Variants in MALRD1 observed in about 807,000 individuals in gnomAD.
MALRD1 encodes the protein MAM and LDL receptor class A domain containing 1.
A neutral mutation model predicts 242.1 loss-of-function variants in MALRD1; 247 were observed. That is an observed-to-expected ratio of 1.02 (90% CI 0.92 to 1.13). MALRD1 has a LOEUF of 1.13. Ranked by LOEUF, MALRD1 falls within the 50% of genes most tolerant of loss-of-function variation. MALRD1 has a pLI of 0.00. For missense variants in MALRD1, 2,989 were observed against 2,533.1 expected, an observed-to-expected ratio of 1.18 and a Z score of -3.86; for synonymous variants, 995 against 866.6, an observed-to-expected ratio of 1.15 and a Z score of -2.60.
intron 33 of MALRD1, among the ~76,000 whole-genome samples, chr10:19,586,073 C>T (rs1355410854): frequency 6.6e-6 from 1 of 152,126 alleles, no homozygotes; most frequent in Non-Finnish European, 1.5e-5. Flanking sequence ...GTTTTCAGCT[C>T]CATCAGCTCC....
chr10:19,238,802 A>C (rs1838621545), intron 18 of MALRD1, among the ~76,000 whole-genome samples: 1 of 150,480 alleles, frequency 6.6e-6, no homozygotes, highest in Non-Finnish European at 1.5e-5. Flanking sequence ...ACTTCCATAA[A>C]GTTTTGCTTA....
chr10:19,697,176 G>C (rs559509519), intron 38 of MALRD1, among the ~76,000 whole-genome samples: 3 of 152,050 alleles, frequency 2.0e-5, no homozygotes, highest in Non-Finnish European at 4.4e-5. Context: ...AGAGATTTAA[G>C]GAGTTGTCTC....
intron 32 of MALRD1, among the ~76,000 whole-genome samples, chr10:19,556,152 A>C (rs1271995264): frequency 6.6e-6 from 1 of 152,140 alleles, no homozygotes; most frequent in Non-Finnish European, 1.5e-5. Flanking sequence ...TTATAGGAAA[A>C]CTGAGTGGAA....
chr10:19,332,921 C>T (rs572721786), intron 24 of MALRD1, among the ~76,000 whole-genome samples: 29 of 152,126 alleles, frequency 1.9e-4, no homozygotes, highest in Non-Finnish European at 3.8e-4. Context: ...ATGTGCACAA[C>T]GTGCAGGTTT....
chr10:19,566,868 G>A (rs888637330), intron 32 of MALRD1, among the ~76,000 whole-genome samples: 1 of 151,906 alleles, frequency 6.6e-6, no homozygotes, highest in East Asian at 1.9e-4. Context: ...AATGCCATAT[G>A]TTATTTTTTT....
chr10:19,064,153 T>A (rs1834903090), intron 1 of MALRD1, among the ~76,000 whole-genome samples: 1 of 152,020 alleles, frequency 6.6e-6, no homozygotes, highest in Non-Finnish European at 1.5e-5. Flanking sequence ...ATTATAAAAT[T>A]GAAAACAAAG....
chr10:19,175,483 T>TATATATATATATA (rs199565400), intron 14 of MALRD1, among the ~76,000 whole-genome samples, 155 bp downstream of exon 14: 13 of 148,078 alleles, frequency 8.8e-5, no homozygotes, highest in East Asian at 2.0e-4. Flanking sequence ...TATATATATA[T>TATATATATATATA]TTTAAAAGGT....
At position 19,316,873 on chromosome 10, in the gene MALRD1, A is replaced by G. The variant is rs1034632151; in HGVS notation, c.3420-7076A>G. On this transcript the variant is annotated intron_variant, in intron 21 of 39. Coordinates refer to ENST00000454679, the MANE Select transcript of MALRD1 (RefSeq NM_001142308.3). ...CTATTTGCTAGCACACTGGGAGACT[A>G]TAGTCAATAATTTAATTGTGCACCT... 3.9e-5 allele frequency among the ~76,000 whole-genome samples: 6 copies of G among 151,966 alleles called. No homozygotes were observed. In the East Asian group the frequency reaches 5.8e-4, roughly 15 times the overall value.
intron 9 of MALRD1, among the ~76,000 whole-genome samples, chr10:19,134,574 T>A (rs953179460): frequency 2.0e-5 from 3 of 152,346 alleles, no homozygotes; most frequent in South Asian, 2.1e-4. Context: ...TATAAAATGA[T>A]GATACTGATT....
chr10:19,515,518 A>G (rs772676083), intron 31 of MALRD1, among the ~76,000 whole-genome samples: 4 of 151,810 alleles, frequency 2.6e-5, no homozygotes, highest in Non-Finnish European at 5.9e-5. Context: ...TGTTGTTTGT[A>G]CAGATTTCCC....
chr10:19,716,496 A>C (rs1312667079), intron 38 of MALRD1, among the ~76,000 whole-genome samples: 4 of 152,170 alleles, frequency 2.6e-5, no homozygotes, highest in Non-Finnish European at 5.9e-5. Flanking sequence ...ATCCCCAGAA[A>C]CAGAAGCCAC....
chr10:19,335,806 T>C (rs570838733), intron 24 of MALRD1, among the ~76,000 whole-genome samples: 2 of 150,638 alleles, frequency 1.3e-5, no homozygotes, highest in East Asian at 3.9e-4. Context: ...GGAGAAAAAA[T>C]TTTTTTTTAT....
chr10:19,734,228 T>C lies in MALRD1; in HGVS notation c.6462T>C (p.His2154=), dbSNP rs1160090776. 1.3e-6 allele frequency: 2 copies of C among 1,535,482 alleles called. No homozygotes were observed. Among genetic ancestry groups the C allele is most frequent in the African/African-American group, 1.4e-5 (1 of 73,020 alleles). ...GAAGCCTGGAGACCCTGTCACATCA[T>C]CTCAAATAGCAGCATCGAGACCAAG... ...TSGSLETLSH[H]LK The change falls in exon 40 of 40, where the codon CAT becomes CAC. Residue 2154 remains histidine, a synonymous_variant. Transcript: ENST00000454679.
chr10:19,123,409 T>C (rs1214908131), intron 5 of MALRD1, 83 bp from the exon 6 acceptor site: 1 of 716,252 alleles, frequency 1.4e-6, no homozygotes, highest in Non-Finnish European at 1.9e-6. Context: ...CTTTGTAGAA[T>C]GAATATTAAC....
At chr10:19,574,229 C>G (rs1378932945) in intron 33 of MALRD1, among the ~76,000 whole-genome samples, 1 of 152,182 alleles carries the variant, frequency 6.6e-6, no homozygotes, top group African/African-American at 2.4e-5. Flanking sequence ...GATGTAATCT[C>G]TTAAGCATAA....
chr10:19,463,239 G>A (rs1191952141), intron 29 of MALRD1, among the ~76,000 whole-genome samples: 3 of 151,972 alleles, frequency 2.0e-5, no homozygotes, highest in Non-Finnish European at 4.4e-5. Flanking sequence ...TTCTTTAGTG[G>A]TGATTTGAGA....
chr10:19,455,605 GA>G (rs1274470944), intron 29 of MALRD1, among the ~76,000 whole-genome samples: 1 of 152,134 alleles, frequency 6.6e-6, no homozygotes, highest in Non-Finnish European at 1.5e-5. Context: ...AAGGTACTTT[GA>G]AAAACACATG....
chr10:19,054,218 TTTTA>T (rs1416664138), intron 1 of MALRD1, among the ~76,000 whole-genome samples: 1 of 152,152 alleles, frequency 6.6e-6, no homozygotes, highest in African/African-American at 2.4e-5. Context: ...CTTCATTCTC[TTTTA>T]TTATTTTTAT....
intron 11 of MALRD1, among the ~76,000 whole-genome samples, chr10:19,151,314 T>A (rs1336576431): frequency 1.3e-5 from 2 of 152,152 alleles, no homozygotes. Context: ...GTGTTACTTT[T>A]AAAGAACTTC....
Sources: gnomAD v4.1 joint callset for allele counts (sites outside exome capture counted in the v4.1 genomes callset) on GRCh38, gnomAD v4.1.1 for gene constraint, MANE v1.5 for transcripts, NCBI Gene and HGNC (gene_info 2026-07-23, HGNC 2026-07-21) for gene names.